Variants in PPP1R12A observed in about 807,000 individuals in gnomAD.
PPP1R12A encodes the protein protein phosphatase 1 regulatory subunit 12A, also known as myosin binding subunit.
In PPP1R12A, 19 loss-of-function variants were observed where a neutral mutation model predicts 139.6. The observed-to-expected ratio is 0.14, with a 90% CI of 0.09 to 0.20. PPP1R12A has a LOEUF of 0.20. PPP1R12A is among the 10% of genes least tolerant of loss of function. The pLI is 1.00. For missense variants in PPP1R12A, 925 were observed against 1,211.5 expected (o/e 0.76, Z 3.51); for synonymous variants, 427 against 420.6 (o/e 1.02, Z -0.19).
At chr12:79,840,485 T>C (rs1878579976) in intron 3 of PPP1R12A, among the ~76,000 whole-genome samples, 2 of 152,160 alleles carry the variant, frequency 1.3e-5, no homozygotes, top group South Asian at 4.1e-4. Context: ...CTAGATGTCC[T>C]TTAGTACTAC....
intron 1 of PPP1R12A, among the ~76,000 whole-genome samples, chr12:79,930,205 G>GAT (rs1018131738): frequency 5.9e-5 from 9 of 152,106 alleles, no homozygotes; most frequent in African/African-American, 2.2e-4. Context: ...AGGGAGAGAG[G>GAT]ATAAAAGGCA....
intron 1 of PPP1R12A, among the ~76,000 whole-genome samples, chr12:79,912,692 TAAAA>T (rs77850230): frequency 7.4e-6 from 1 of 134,306 alleles, no homozygotes; most frequent in African/African-American, 2.7e-5. Flanking sequence ...AAGCCTGATT[TAAAA>T]AAAAAAAAAA....
At chr12:79,870,363 C>T (rs1882444361) in intron 2 of PPP1R12A, among the ~76,000 whole-genome samples, 1 of 152,080 alleles carries the variant, frequency 6.6e-6, no homozygotes, top group Non-Finnish European at 1.5e-5. Flanking sequence ...CAAGGCCTCC[C>T]AAACTGCTGG....
chr12:79,860,999 G>A, intron 2 of PPP1R12A, among the ~76,000 whole-genome samples: 1 of 152,122 alleles, frequency 6.6e-6, no homozygotes, highest in Non-Finnish European at 1.5e-5. Context: ...ACACAGGTTA[G>A]AAGAAGTTAA....
At chr12:79,881,844 C>T (rs2137381195) in intron 1 of PPP1R12A, among the ~76,000 whole-genome samples, 1 of 152,274 alleles carries the variant, frequency 6.6e-6, no homozygotes, top group Admixed American at 6.5e-5. Context: ...AGTTTGAAGC[C>T]AGTGCTCATT....
chr12:79,777,778 A>C, intron 24 of PPP1R12A: 4 of 411,728 alleles, frequency 9.7e-6, no homozygotes, highest in Non-Finnish European at 1.3e-5. Flanking sequence ...AGATTCAGAA[A>C]GGTAAACACT....
chr12:79,880,593 A>G (rs990255005), intron 1 of PPP1R12A, among the ~76,000 whole-genome samples: 4 of 152,194 alleles, frequency 2.6e-5, no homozygotes, highest in Admixed American at 2.6e-4. Context: ...GAGAAAGTAG[A>G]AAAAAACACT....
intron 8 of PPP1R12A, 116 bp from the exon 9 acceptor site, chr12:79,817,634 C>A (rs969891276): frequency 2.5e-5 from 25 of 996,662 alleles, no homozygotes; most frequent in Non-Finnish European, 3.4e-5. Context: ...AAAAGTCTTT[C>A]CCCACTGTGA....
At chr12:79,834,399 G>C (rs896872463) in intron 3 of PPP1R12A, among the ~76,000 whole-genome samples, 2 of 152,142 alleles carry the variant, frequency 1.3e-5, no homozygotes. Context: ...GGATCACTTA[G>C]GATGAAAAGT....
At chr12:79,911,368 T>G (rs936325599) in intron 1 of PPP1R12A, among the ~76,000 whole-genome samples, 3 of 152,162 alleles carry the variant, frequency 2.0e-5, no homozygotes, top group Admixed American at 2.0e-4. Context: ...AAATACTGCA[T>G]GTTCTCATAA....
chr12:79,845,500 T>C, intron 2 of PPP1R12A, 80 bp from the exon 3 acceptor site: 1 of 1,040,400 alleles, frequency 9.6e-7, no homozygotes, highest in Non-Finnish European at 1.4e-6. Flanking sequence ...ATGAGGAAAG[T>C]TCCTATATAA....
chr12:79,789,955 T>A (rs996996413), intron 20 of PPP1R12A, among the ~76,000 whole-genome samples: 15 of 139,016 alleles, frequency 1.1e-4, no homozygotes, highest in South Asian at 2.2e-4. Context: ...AATTAAGAAA[T>A]TTTTTTTTTT....
intron 3 of PPP1R12A, among the ~76,000 whole-genome samples, chr12:79,836,905 G>T (rs189152354): frequency 6.6e-6 from 1 of 152,248 alleles, no homozygotes; most frequent in Admixed American, 6.5e-5. Flanking sequence ...CTCCCTCAGG[G>T]TAGACAATCT....
intron 3 of PPP1R12A, among the ~76,000 whole-genome samples, chr12:79,841,418 G>A (rs768034651): frequency 2.1e-4 from 32 of 151,982 alleles, no homozygotes; most frequent in East Asian, 7.7e-4. Context: ...GAAGCTCTTC[G>A]TTTGACACTT....
chr12:79,775,648 A>G lies in PPP1R12A; in HGVS notation c.*281T>C. The G allele has an allele frequency of 4.3e-6, 1 of 234,936 alleles. No individual in the cohort carries two copies. The highest frequency in any genetic ancestry group is 8.2e-6 in the Non-Finnish European group (1 of 121,772). 14.6% of individuals were successfully genotyped at this position (234,936 alleles called of 1,614,324 possible). A position where few individuals can be genotyped will look rare whatever the true frequency, so the allele number is the denominator to read the frequency against. On this transcript the variant is annotated 3_prime_UTR_variant, in exon 25 of 25. Coordinates refer to ENST00000450142, the MANE Select transcript of PPP1R12A (RefSeq NM_002480.3). ...CTTTCCTTATATGCTGGAGCTGTAA[A>G]CAAGTTTTCTCAGTCATTAAAAAAA...
intron 17 of PPP1R12A, among the ~76,000 whole-genome samples, chr12:79,796,088 T>C (rs1159039747): frequency 1.3e-5 from 2 of 152,122 alleles, no homozygotes; most frequent in Non-Finnish European, 2.9e-5. Context: ...ATGATCAACA[T>C]GAGAAAATAT....
intron 1 of PPP1R12A, among the ~76,000 whole-genome samples, chr12:79,925,166 A>G (rs899228633): frequency 2.0e-5 from 3 of 152,236 alleles, no homozygotes; most frequent in African/African-American, 2.4e-5. Context: ...AAATATTCAA[A>G]TAAGTTTATA....
At chr12:79,866,982 G>T (rs921910806) in intron 2 of PPP1R12A, among the ~76,000 whole-genome samples, 1 of 152,096 alleles carries the variant, frequency 6.6e-6, no homozygotes, top group African/African-American at 2.4e-5. Context: ...GATACCCAAA[G>T]GATTATAAAT....
chr12:79,847,135 A>C (rs1879510457), intron 2 of PPP1R12A, among the ~76,000 whole-genome samples: 2 of 152,218 alleles, frequency 1.3e-5, no homozygotes, highest in Admixed American at 1.3e-4. Flanking sequence ...ACAGTAGGGC[A>C]AAAATCTTTC....
Sources: allele counts gnomAD v4.1 joint callset (sites outside exome capture counted in the v4.1 genomes callset), GRCh38; gene constraint gnomAD v4.1.1; transcripts MANE v1.5; gene names NCBI Gene and HGNC (gene_info 2026-07-23, HGNC 2026-07-21).